Variants in RFTN2 observed in about 807,000 individuals in gnomAD.
RFTN2 encodes the protein raftlin-2.
In RFTN2, 34 loss-of-function variants were observed where a neutral mutation model predicts 52.7. That is an observed-to-expected ratio of 0.64 (90% CI 0.49 to 0.86). The LOEUF (loss-of-function observed/expected upper bound fraction) is 0.86. Among genes scored for constraint, RFTN2 ranks in the 40% least tolerant of loss-of-function variants. The pLI is 0.00. For missense variants in RFTN2, 536 were observed against 600.1 expected (o/e 0.89, Z 1.12); for synonymous variants, 203 against 217.7 (o/e 0.93, Z 0.59).
intron 8 of RFTN2, among the ~76,000 whole-genome samples, chr2:197,575,813 AAT>A (rs2087403653): frequency 8.4e-6 from 1 of 118,984 alleles, no homozygotes; most frequent in African/African-American, 3.0e-5. Context: ...TTATATACAT[AAT>A]ATATATTCTA....
intron 1 of RFTN2, among the ~76,000 whole-genome samples, chr2:197,650,101 TATATA>T (rs1478740238): frequency 6.6e-6 from 1 of 151,462 alleles, no homozygotes; most frequent in Non-Finnish European, 1.5e-5. Context: ...AATAAAAAGA[TATATA>T]ATATATATTA....
intron 5 of RFTN2, among the ~76,000 whole-genome samples, chr2:197,619,147 C>T (rs1212414405): frequency 2.0e-5 from 3 of 151,480 alleles, no homozygotes; most frequent in African/African-American, 4.8e-5. Flanking sequence ...GGGGGGTCAG[C>T]CCCCCATCCG....
chr2:197,641,642 A>G (rs1173318287), intron 3 of RFTN2, among the ~76,000 whole-genome samples: 1 of 152,200 alleles, frequency 6.6e-6, no homozygotes, highest in African/African-American at 2.4e-5. Context: ...TTTAGTTTAA[A>G]ATTCTGAGAA....
At position 197,628,670 on chromosome 2, in the gene RFTN2, A is replaced by AATAGATG. The variant is rs553706099; in HGVS notation, c.928+2334_928+2340dup. 1.1e-3 allele frequency among the ~76,000 whole-genome samples: 164 copies of AATAGATG among 152,274 alleles called. 1 individual carries two copies. The highest frequency in any genetic ancestry group is 3.4e-3 in the Middle Eastern group (1 of 294). On this transcript the variant is annotated intron_variant, in intron 5 of 8. Coordinates refer to ENST00000295049, the MANE Select transcript of RFTN2 (RefSeq NM_144629.3). Reference sequence around the variant, plus strand: ...ATTATGAAGCATAAACCAACCTCTAAATAGATGATCCACACTAAAAGTACT... The same window carrying AATAGATG: ...ATTATGAAGCATAAACCAACCTCTAAATAGATGATAGATGATCCACACTAAAAGTACT...
At chr2:197,636,096 T>C (rs1416531509) in intron 3 of RFTN2, among the ~76,000 whole-genome samples, 5 of 151,828 alleles carry the variant, frequency 3.3e-5, no homozygotes. Flanking sequence ...CATTGATCTA[T>C]ATCTCTTGTT....
chr2:197,612,779 G>A (rs558655023), intron 7 of RFTN2, among the ~76,000 whole-genome samples: 15 of 152,324 alleles, frequency 9.8e-5, no homozygotes, highest in South Asian at 6.2e-4. Context: ...ACCTAGGGAC[G>A]TACTGTATGT....
chr2:197,619,283 G>A (rs1275562212), intron 5 of RFTN2, among the ~76,000 whole-genome samples: 5 of 151,954 alleles, frequency 3.3e-5, no homozygotes, highest in African/African-American at 7.3e-5. Context: ...TGACAATGGC[G>A]GTTTTGTAGA....
In RFTN2 at chr2:197,648,281, A is replaced by C. The variant is rs192782378; in HGVS notation, c.140-1615T>G. Among the ~76,000 whole-genome samples the C allele has an allele frequency of 3.3e-5, 5 of 152,360 alleles. No homozygotes were observed. In the East Asian group the frequency reaches 7.7e-4, roughly 23 times the overall value. On this transcript the variant is annotated intron_variant, in intron 1 of 8. Transcript: ENST00000295049. ...AACTAAAATAAGCGCTCAACAGAAA[A>C]GTTATATAAACCAGGAAGGGTCCAC...
intron 3 of RFTN2, among the ~76,000 whole-genome samples, chr2:197,640,122 A>C (rs1172493564): frequency 6.6e-6 from 1 of 152,192 alleles, no homozygotes; most frequent in African/African-American, 2.4e-5. Flanking sequence ...GCGTGCTGGG[A>C]GAACCACTGC....
In RFTN2 at chr2:197,631,025, CAG is replaced by C; in HGVS notation, c.912_913del (p.Phe304LeufsTer5). ...ATAAAACTTACCTTTAGATGTTTCCCAGAATACAAAAGAATCAATTAAAGACA... is the reference window on the plus strand; with the variant it reads ...ATAAAACTTACCTTTAGATGTTTCCCAATACAAAAGAATCAATTAAAGACA... On this transcript the variant is annotated frameshift_variant, in exon 5 of 9. Coordinates refer to ENST00000295049, the MANE Select transcript of RFTN2 (RefSeq NM_144629.3). LOFTEE classifies it high-confidence loss of function. The C allele has an allele frequency of 6.2e-7, 1 of 1,601,134 alleles. No individual in the cohort carries two copies. The highest frequency in any genetic ancestry group is 8.5e-7 in the Non-Finnish European group (1 of 1,169,752).
intron 3 of RFTN2, among the ~76,000 whole-genome samples, chr2:197,634,520 C>A (rs926436554): frequency 2.4e-4 from 36 of 152,034 alleles, no homozygotes; most frequent in African/African-American, 8.2e-4. Flanking sequence ...CCAATTTATA[C>A]CACTACTCTT....
intron 1 of RFTN2, among the ~76,000 whole-genome samples, chr2:197,660,116 A>AC (rs2088956731): frequency 6.6e-6 from 1 of 152,226 alleles, no homozygotes; most frequent in African/African-American, 2.4e-5. Context: ...TTGAACCCAG[A>AC]CAGAGTGAGT....
intron 3 of RFTN2, among the ~76,000 whole-genome samples, chr2:197,642,948 C>T (rs2088695796): frequency 6.6e-6 from 1 of 152,160 alleles, no homozygotes; most frequent in Admixed American, 6.6e-5. Flanking sequence ...CACTATACTC[C>T]AGCCTATTTT....
At chr2:197,591,023 G>A (rs1224532887) in intron 8 of RFTN2, among the ~76,000 whole-genome samples, 1 of 152,188 alleles carries the variant, frequency 6.6e-6, no homozygotes, top group Non-Finnish European at 1.5e-5. Flanking sequence ...CTGCTGATTG[G>A]TCCATTTTAC....
At chr2:197,630,938 TA>T in intron 5 of RFTN2, 72 bp downstream of exon 5, 2 of 1,011,524 alleles carry the variant, frequency 2.0e-6, no homozygotes, top group Non-Finnish European at 3.1e-6. Context: ...ACTTGAGAGG[TA>T]AAAACATTTT....
intron 1 of RFTN2, among the ~76,000 whole-genome samples, chr2:197,654,282 G>A (rs1414620229): frequency 3.9e-5 from 6 of 151,980 alleles, no homozygotes; most frequent in African/African-American, 1.5e-4. Context: ...AGCTACTTGG[G>A]GGCTGAGGTG....
intron 3 of RFTN2, among the ~76,000 whole-genome samples, chr2:197,637,082 G>T (rs1180009696): frequency 6.6e-6 from 1 of 150,418 alleles, no homozygotes. Context: ...GCATCCCAGG[G>T]ATGAAGCCCA....
intron 1 of RFTN2, among the ~76,000 whole-genome samples, chr2:197,647,831 T>C (rs1052420225): frequency 6.6e-6 from 1 of 152,164 alleles, no homozygotes; most frequent in Non-Finnish European, 1.5e-5. Flanking sequence ...CTGTAGAAAC[T>C]ATAGAATAGC....
intron 7 of RFTN2, among the ~76,000 whole-genome samples, chr2:197,613,118 A>G (rs576544528): frequency 1.2e-4 from 18 of 152,318 alleles, no homozygotes; most frequent in African/African-American, 4.1e-4. Context: ...CTGATTTTGT[A>G]TATAGTGAAC....
Sources: allele counts gnomAD v4.1 joint callset (sites outside exome capture counted in the v4.1 genomes callset), GRCh38; gene constraint gnomAD v4.1.1; transcripts MANE v1.5; gene names NCBI Gene and HGNC (gene_info 2026-07-23, HGNC 2026-07-21).